The following PSKH1 variants were observed in gnomAD, a reference collection of about 807,000 sequenced individuals.
The protein encoded by PSKH1 is protein serine kinase H1.
A neutral mutation model predicts 26.7 loss-of-function variants in PSKH1; 12 were observed. That is an observed-to-expected ratio of 0.45 (90% confidence interval 0.29 to 0.73). PSKH1 has a LOEUF of 0.73. PSKH1 is among the 30% of genes least tolerant of loss of function. PSKH1 has a pLI of 0.11. For synonymous variants in PSKH1, 213 were observed against 234.3 expected, an observed-to-expected ratio of 0.91 and a Z score of 0.83; for missense variants, 431 against 595.2, an observed-to-expected ratio of 0.72 and a Z score of 2.87.
intron 1 of PSKH1, among the ~76,000 whole-genome samples, chr16:67,902,168 G>A (rs1281244840): frequency 6.6e-6 from 1 of 151,704 alleles, no homozygotes; most frequent in Non-Finnish European, 1.5e-5. Context: ...GCTGAGGCAC[G>A]AGAATTGTTT....
chr16:67,927,275 G>T lies in PSKH1; in HGVS notation c.958-50G>T. The stretch of plus-strand genomic sequence containing the variant: ...CTGAGTAGTGGCCTCATCCAGATGG[G>T]GTGGGCAGTGTCAGATGCTCTCACT... On this transcript the variant is annotated intron_variant, in intron 2 of 2. Coordinates refer to ENST00000291041, the MANE Select transcript of PSKH1 (RefSeq NM_006742.3). This position sits in a 1 kb window ranked among gnomAD's most constrained non-coding sequence, Gnocchi z 5.5. 2 of 1,531,602 alleles carry T rather than the reference G, an allele frequency of 1.3e-6. No homozygotes were observed. Among genetic ancestry groups the T allele is most frequent in the East Asian group, 2.3e-5 (1 of 44,130 alleles). 94.9% of individuals were successfully genotyped at this position (1,531,602 alleles called of 1,614,324 possible).
chr16:67,902,054 G>GT (rs1240934176), intron 1 of PSKH1, among the ~76,000 whole-genome samples: 1 of 152,036 alleles, frequency 6.6e-6, no homozygotes, highest in Non-Finnish European at 1.5e-5. Flanking sequence ...GAGGCCAGGA[G>GT]TTTAAGACCA....
At chr16:67,903,033 T>C (rs1379433049) in intron 1 of PSKH1, 1 of 152,186 alleles carries the variant, frequency 6.6e-6, no homozygotes, top group African/African-American at 2.4e-5. Context: ...ATTTCCTAGT[T>C]GCCATGTGGA....
chr16:67,926,071 G>A (rs374768976), intron 2 of PSKH1, among the ~76,000 whole-genome samples: 61 of 152,250 alleles, frequency 4.0e-4, no homozygotes, highest in African/African-American at 1.3e-3. Flanking sequence ...GGTACCATGG[G>A]TGGAACAGGC....
chr16:67,908,654 C>A, intron 1 of PSKH1, 26 bp from the exon 2 acceptor site: 3 of 1,089,296 alleles, frequency 2.8e-6, no homozygotes, highest in Non-Finnish European at 3.9e-6. Flanking sequence ...CCTGGCTGTG[C>A]TGACTTGTTC....
In PSKH1 at chr16:67,909,249, G is replaced by A. The variant is rs781180501; in HGVS notation, c.500G>A (p.Arg167Gln). The part of the protein sequence containing the change: ...QLVEVFETQE[R>Q]VYMVMELATG... ...GTGGAGGTGTTCGAGACACAGGAGC[G>A]GGTGTACATGGTGATGGAGCTGGCC... The change falls in exon 2 of 3, where the codon CGG becomes CAG. Residue 167 changes from arginine (R) to glutamine (Q), a missense_variant. By Grantham distance (43) the Arg-to-Gln change is conservative. Transcript: ENST00000291041. This position sits in a 1 kb window ranked among gnomAD's most constrained non-coding sequence, Gnocchi z 7.8. The A allele has an allele frequency of 6.2e-7, 1 of 1,614,076 alleles. No homozygotes were observed. The highest frequency in any genetic ancestry group is 8.5e-7 in the Non-Finnish European group (1 of 1,180,022).
intron 1 of PSKH1, among the ~76,000 whole-genome samples, chr16:67,901,546 C>A (rs941584560): frequency 3.3e-5 from 5 of 151,488 alleles, no homozygotes; most frequent in African/African-American, 1.2e-4. Context: ...GTTGCCCAGG[C>A]TGGCTCAAAC....
chr16:67,898,899 G>T (rs908575587), intron 1 of PSKH1, among the ~76,000 whole-genome samples: 4 of 152,116 alleles, frequency 2.6e-5, no homozygotes, highest in Non-Finnish European at 4.4e-5. Flanking sequence ...GGGATTACAG[G>T]TGTGAGCCGC....
intron 2 of PSKH1, among the ~76,000 whole-genome samples, chr16:67,915,208 AGT>A (rs10599179): frequency 0.25 from 35,138 of 142,652 alleles, 5,400 homozygotes; most frequent in African/African-American, 0.48. Flanking sequence ...AGAGAGAGAG[AGT>A]GTGTGTGTGT....
chr16:67,921,029 T>G (rs148240639), intron 2 of PSKH1, among the ~76,000 whole-genome samples: 3 of 150,458 alleles, frequency 2.0e-5, no homozygotes, highest in African/African-American at 7.3e-5. Flanking sequence ...ACCTGTAATC[T>G]CAGCCCTTTG....
chr16:67,916,239 G>T lies in PSKH1; in HGVS notation c.957+6533G>T, dbSNP rs115363989. Among the ~76,000 whole-genome samples, 1,135 of 152,318 alleles carry T rather than the reference G, an allele frequency of 7.5e-3. 19 individuals carry two copies. The highest frequency in any genetic ancestry group is 0.026 in the African/African-American group (1,073 of 41,552). ...AATGAAGGACCTCTGACGCAGCAGC[G>T]TTTGGAGGTATGCATTCTTCACCAG... On this transcript the variant is annotated intron_variant, in intron 2 of 2. Transcript: ENST00000291041.
At position 67,912,059 on chromosome 16, in the gene PSKH1, C is replaced by T. The variant is rs552831422; in HGVS notation, c.957+2353C>T. 3.9e-5 allele frequency among the ~76,000 whole-genome samples: 6 copies of T among 152,336 alleles called. No homozygotes were observed. In the South Asian group the frequency reaches 1.0e-3, roughly 26 times the overall value. ...GCCACTGTAGACCACTAGATGCTTACTGCAGAGTGGTCAGCCTTGTGGAGA... is the reference window on the plus strand; with the variant it reads ...GCCACTGTAGACCACTAGATGCTTATTGCAGAGTGGTCAGCCTTGTGGAGA... On this transcript the variant is annotated intron_variant, in intron 2 of 2. Coordinates refer to ENST00000291041, the MANE Select transcript of PSKH1 (RefSeq NM_006742.3).
chr16:67,919,124 C>T (rs1199447407), intron 2 of PSKH1, among the ~76,000 whole-genome samples: 1 of 152,150 alleles, frequency 6.6e-6, no homozygotes, highest in Non-Finnish European at 1.5e-5. Context: ...GGAGCGCTGT[C>T]CGGGTGTCTG....
At position 67,923,586 on chromosome 16, in the gene PSKH1, C is replaced by T. The variant is rs1434125797; in HGVS notation, c.958-3739C>T. Among the ~76,000 whole-genome samples the T allele has an allele frequency of 2.6e-5, 4 of 152,216 alleles. No homozygotes were observed. In the East Asian group the frequency reaches 7.7e-4, roughly 29 times the overall value. On this transcript the variant is annotated intron_variant, in intron 2 of 2. Transcript: ENST00000291041. The stretch of plus-strand genomic sequence containing the variant: ...CCTGAGAGTCTGGGCGTAGAGCCAG[C>T]TGACATCTTAGTGTTTCCCTCTGTG...
Position 67,928,110 on chromosome 16 carries a change from A to T in PSKH1, c.*468A>T, listed in dbSNP as rs2058223890. On this transcript the variant is annotated 3_prime_UTR_variant, in exon 3 of 3. Coordinates refer to ENST00000291041, the MANE Select transcript of PSKH1 (RefSeq NM_006742.3). This position sits in a 1 kb window ranked among gnomAD's most constrained non-coding sequence, Gnocchi z 4.8. Reference sequence around the variant, plus strand: ...GTTTCACACATTCCCATGCATCCTGATCCTTAAGATTATGCTCCAGTGGGA... The same window carrying T: ...GTTTCACACATTCCCATGCATCCTGTTCCTTAAGATTATGCTCCAGTGGGA... 2 of 157,194 alleles carry T rather than the reference A, an allele frequency of 1.3e-5. No homozygotes were observed. Among genetic ancestry groups the T allele is most frequent in the African/African-American group, 4.8e-5 (2 of 41,526 alleles). The allele number at this position is 157,194 out of a possible 1,614,324, so 9.7% of individuals were successfully genotyped here. A position where few individuals can be genotyped will look rare whatever the true frequency, so the allele number is the denominator to read the frequency against.
chr16:67,895,115 G>GTTTC (rs1385818464), intron 1 of PSKH1, among the ~76,000 whole-genome samples: 1 of 151,898 alleles, frequency 6.6e-6, no homozygotes, highest in Non-Finnish European at 1.5e-5. Context: ...TAGAGATGGT[G>GTTTC]TTTCACCGTG....
intron 1 of PSKH1, among the ~76,000 whole-genome samples, chr16:67,904,988 G>A (rs1439827411): frequency 6.6e-6 from 1 of 151,712 alleles, no homozygotes; most frequent in East Asian, 1.9e-4. Flanking sequence ...CACCACGTCC[G>A]GCTAATTTTT....
At chr16:67,895,277 C>G (rs1039947188) in intron 1 of PSKH1, among the ~76,000 whole-genome samples, 8 of 151,698 alleles carry the variant, frequency 5.3e-5, no homozygotes, top group Non-Finnish European at 1.2e-4. Context: ...GTTGCCGAGG[C>G]TGGTGTCGAA....
chr16:67,895,482 C>G (rs897866678), intron 1 of PSKH1, among the ~76,000 whole-genome samples: 3 of 151,386 alleles, frequency 2.0e-5, no homozygotes, highest in African/African-American at 4.9e-5. Context: ...GATCTCGGCT[C>G]ACTGCAACCT....
Sources: gnomAD v4.1 joint callset for allele counts (sites outside exome capture counted in the v4.1 genomes callset) on GRCh38, gnomAD v4.1.1 for gene constraint, Gnocchi (gnomAD v3.1) non-coding constraint, MANE v1.5 for transcripts, NCBI Gene and HGNC (gene_info 2026-07-23, HGNC 2026-07-21) for gene names.